TTC39B: variants seen among roughly 807,000 people sequenced by gnomAD.
TTC39B encodes the protein tetratricopeptide repeat protein 39B.
In TTC39B, 92 loss-of-function variants were observed where a neutral mutation model predicts 96.6. That is an observed-to-expected ratio of 0.95 (90% CI 0.80 to 1.13). The LOEUF is 1.13. TTC39B is among the 50% of genes most tolerant of loss of function. The pLI, the probability that TTC39B is intolerant of heterozygous loss-of-function variation, is 0.00. For missense variants in TTC39B, 955 were observed against 809.3 expected (o/e 1.18, Z -2.18); for synonymous variants, 367 against 299.4 (o/e 1.23, Z -2.33).
intron 9 of TTC39B, among the ~76,000 whole-genome samples, chr9:15,191,581 C>T (rs969848744): frequency 2.0e-5 from 3 of 152,130 alleles, no homozygotes; most frequent in African/African-American, 4.8e-5. Flanking sequence ...TTCTTAGTTT[C>T]CTTTCCCAGA....
chr9:15,198,098 T>C lies in TTC39B; in HGVS notation c.824+1763A>G, dbSNP rs143974623. On this transcript the variant is annotated intron_variant, in intron 8 of 19. Transcript: ENST00000512701. The stretch of plus-strand genomic sequence containing the variant: ...AGAGAAGACTACAACATATAACTGA[T>C]TAAAGAGAAAGTCTGACACCGCATT... Among the ~76,000 whole-genome samples, 440 of 152,206 alleles carry C rather than the reference T, an allele frequency of 2.9e-3. 1 individual carries two copies. The highest frequency in any genetic ancestry group is 1.0e-2 in the African/African-American group (414 of 41,516).
intron 4 of TTC39B, among the ~76,000 whole-genome samples, chr9:15,212,140 T>C (rs773721636): frequency 6.6e-6 from 1 of 152,242 alleles, no homozygotes; most frequent in Non-Finnish European, 1.5e-5. Context: ...TAATGCATGG[T>C]TTTGTTTTTA....
chr9:15,235,876 C>T (rs1245780456), intron 2 of TTC39B, among the ~76,000 whole-genome samples: 1 of 152,120 alleles, frequency 6.6e-6, no homozygotes, highest in Non-Finnish European at 1.5e-5. Context: ...AAGTGCAAAG[C>T]TCACAGATCT....
At chr9:15,284,752 T>C (rs1016538058) in intron 1 of TTC39B, among the ~76,000 whole-genome samples, 2 of 152,176 alleles carry the variant, frequency 1.3e-5, no homozygotes, top group Admixed American at 1.3e-4. Context: ...GGAGGGAATA[T>C]AGTAAAGGCA....
At chr9:15,176,069 A>G (rs939634632) in intron 18 of TTC39B, among the ~76,000 whole-genome samples, 1 of 152,202 alleles carries the variant, frequency 6.6e-6, no homozygotes, top group African/African-American at 2.4e-5. Flanking sequence ...ACATTGTCTA[A>G]ATGATCCAAG....
At chr9:15,279,890 TTC>T (rs1185381825) in intron 1 of TTC39B, among the ~76,000 whole-genome samples, 3,340 of 143,594 alleles carry the variant, frequency 0.023, 50 homozygotes, top group African/African-American at 0.027. Context: ...TTTTTTTCTT[TTC>T]TTTTTTTTTT....
chr9:15,180,605 G>A (rs182182168), intron 17 of TTC39B, among the ~76,000 whole-genome samples: 13 of 152,158 alleles, frequency 8.5e-5, no homozygotes, highest in Non-Finnish European at 1.8e-4. Context: ...CAATAATGGG[G>A]GTGGGGGATG....
intron 2 of TTC39B, among the ~76,000 whole-genome samples, chr9:15,260,419 A>T (rs1441504253): frequency 1.3e-5 from 2 of 151,814 alleles, no homozygotes; most frequent in Non-Finnish European, 2.9e-5. Flanking sequence ...AGTAACATTT[A>T]TATTACCTAC....
intron 2 of TTC39B, among the ~76,000 whole-genome samples, chr9:15,242,607 G>A (rs115566060): frequency 2.8e-4 from 43 of 151,978 alleles, no homozygotes; most frequent in African/African-American, 9.9e-4. Context: ...AAAGAAAGAA[G>A]AATTGGAAGA....
At chr9:15,272,668 T>C (rs1173553355) in intron 1 of TTC39B, among the ~76,000 whole-genome samples, 1 of 152,184 alleles carries the variant, frequency 6.6e-6, no homozygotes, top group Non-Finnish European at 1.5e-5. Flanking sequence ...CAAGAGCCTA[T>C]CTTGACTCTC....
chr9:15,192,463 C>G (rs1447962371), intron 9 of TTC39B, 127 bp downstream of exon 9: 2 of 657,728 alleles, frequency 3.0e-6, no homozygotes, highest in Non-Finnish European at 5.3e-6. Context: ...AAAACTGATC[C>G]CACTCTAGCT....
intron 1 of TTC39B, among the ~76,000 whole-genome samples, chr9:15,285,656 C>T (rs1056667280): frequency 2.0e-5 from 3 of 152,128 alleles, no homozygotes; most frequent in African/African-American, 7.2e-5. Flanking sequence ...AGATGGAGAC[C>T]ATCCTGGCTA....
chr9:15,252,871 A>T (rs879325154), intron 2 of TTC39B, among the ~76,000 whole-genome samples: 4 of 152,258 alleles, frequency 2.6e-5, no homozygotes, highest in Non-Finnish European at 4.4e-5. Context: ...TGTCTATTAA[A>T]AAATCATCTT....
intron 7 of TTC39B, among the ~76,000 whole-genome samples, chr9:15,203,349 C>G (rs1203754085): frequency 6.6e-6 from 1 of 152,078 alleles, no homozygotes; most frequent in Non-Finnish European, 1.5e-5. Flanking sequence ...CTCCCAGGTT[C>G]AAGTGATTTT....
At chr9:15,174,853 T>C (rs1297272854) in intron 19 of TTC39B, among the ~76,000 whole-genome samples, 166 bp downstream of exon 19, 1 of 152,118 alleles carries the variant, frequency 6.6e-6, no homozygotes, top group African/African-American at 2.4e-5. Flanking sequence ...ACAGCACAAT[T>C]ACAGCAAAAG....
At chr9:15,220,264 T>G (rs1438439382) in intron 3 of TTC39B, among the ~76,000 whole-genome samples, 1 of 152,178 alleles carries the variant, frequency 6.6e-6, no homozygotes, top group Non-Finnish European at 1.5e-5. Context: ...TCAGGTCTAT[T>G]GATTCAGCTG....
At chr9:15,208,029 A>AATG (rs1819976995) in intron 6 of TTC39B, among the ~76,000 whole-genome samples, 1 of 150,088 alleles carries the variant, frequency 6.7e-6, no homozygotes, top group Admixed American at 6.6e-5. Flanking sequence ...TTATTTTTCA[A>AATG]ATTATTATTA....
At chr9:15,264,879 T>C (rs1162441565) in intron 2 of TTC39B, among the ~76,000 whole-genome samples, 3 of 152,058 alleles carry the variant, frequency 2.0e-5, no homozygotes, top group Admixed American at 2.0e-4. Flanking sequence ...TCATTTTGGA[T>C]GATGTTCTGA....
At chr9:15,226,041 T>C (rs753618033) in intron 2 of TTC39B, 29 bp from the exon 3 acceptor site, 6 of 1,604,728 alleles carry the variant, frequency 3.7e-6, no homozygotes, top group Admixed American at 3.3e-5. Flanking sequence ...GAGCAAGGTT[T>C]TTTATTTCTT....
Sources: gnomAD v4.1 joint callset for allele counts (sites outside exome capture counted in the v4.1 genomes callset) on GRCh38, gnomAD v4.1.1 for gene constraint, MANE v1.5 for transcripts, NCBI Gene and HGNC (gene_info 2026-07-23, HGNC 2026-07-21) for gene names.